Variants in PCDHGB1 observed in about 807,000 individuals in gnomAD.
PCDHGB1 encodes the protein protocadherin gamma subfamily B, 1, also known as protocadherin gamma-B1.
In PCDHGB1, 34 loss-of-function variants were observed where a neutral mutation model predicts 56.6. The observed-to-expected ratio is 0.60, with a 90% confidence interval of 0.46 to 0.80. The LOEUF is 0.80. Ranked by LOEUF, PCDHGB1 falls within the 30% of genes least tolerant of loss-of-function variation. PCDHGB1 has a pLI of 0.00. For missense variants in PCDHGB1, 1,278 were observed against 1,204.6 expected, an observed-to-expected ratio of 1.06 and a Z score of -0.90; for synonymous variants, 561 against 505.9, an observed-to-expected ratio of 1.11 and a Z score of -1.46.
chr5:141,413,337 G>A, intron 1 of PCDHGB1: 1 of 1,613,978 alleles, frequency 6.2e-7, no homozygotes, highest in Non-Finnish European at 8.5e-7. Flanking sequence ...ACATCTCCAA[G>A]GACTTGGGTC....
In PCDHGB1 at chr5:141,477,053, G is replaced by A; in HGVS notation, c.2410-17754G>A. On this transcript the variant is annotated intron_variant, in intron 1 of 3. Transcript: ENST00000523390. This position sits in a 1 kb window ranked among gnomAD's most constrained non-coding sequence, Gnocchi z 4.9. ...GACAATCAAGGGTCGGCTGGACTTC[G>A]AGGACACCAAACTCCATGAGATTTA... The A allele has an allele frequency of 1.9e-6, 3 of 1,614,230 alleles. No homozygotes were observed. The highest frequency in any genetic ancestry group is 2.5e-6 in the Non-Finnish European group (3 of 1,180,032).
At chr5:141,424,712 G>A (rs2096836283) in intron 1 of PCDHGB1, 1 of 152,126 alleles carries the variant, frequency 6.6e-6, no homozygotes, top group Non-Finnish European at 1.5e-5. Context: ...CATTTTCAGT[G>A]TAGTTGGGAG....
chr5:141,478,011 G>A (rs1216659966), intron 1 of PCDHGB1: 1 of 1,614,088 alleles, frequency 6.2e-7, no homozygotes, highest in East Asian at 2.2e-5. Flanking sequence ...AGTACTGCCC[G>A]TCCAGTCCAA....
chr5:141,419,325 ACT>A (rs1329600066), intron 1 of PCDHGB1: 33 of 1,613,586 alleles, frequency 2.0e-5, no homozygotes, highest in Non-Finnish European at 2.6e-5. Flanking sequence ...CGTGTCTCCT[ACT>A]CTCTCATTGC....
chr5:141,372,480 T>C (rs777083908), intron 1 of PCDHGB1: 5 of 1,613,930 alleles, frequency 3.1e-6, no homozygotes, highest in African/African-American at 2.7e-5. Flanking sequence ...AGTAGTGGCG[T>C]TGGCCTTGAT....
chr5:141,376,421 A>C (rs765897100), intron 1 of PCDHGB1: 1 of 1,614,248 alleles, frequency 6.2e-7, no homozygotes, highest in Non-Finnish European at 8.5e-7. Flanking sequence ...CGACACGCTT[A>C]TCAACCAGGA....
At position 141,398,955 on chromosome 5, in the gene PCDHGB1, A is replaced by T. The variant is rs2093730495; in HGVS notation, c.2409+46286A>T. 1.2e-6 allele frequency: 2 copies of T among 1,613,966 alleles called. No homozygotes were observed. Among genetic ancestry groups the T allele is most frequent in the African/African-American group, 1.3e-5 (1 of 75,040 alleles). On this transcript the variant is annotated intron_variant, in intron 1 of 3. Transcript: ENST00000523390. ...ACCAAGACGAGGGCATCAACTCAGA[A>T]ATTACTTATTCCTTCTACAGAACCG...
At chr5:141,506,735 G>A (rs1467217136) in intron 3 of PCDHGB1, among the ~76,000 whole-genome samples, 1 of 152,098 alleles carries the variant, frequency 6.6e-6, no homozygotes, top group Non-Finnish European at 1.5e-5. Context: ...TTAGAATAAT[G>A]CCTATTAATA....
chr5:141,355,170 G>T (rs200043254), intron 1 of PCDHGB1: 1 of 1,569,780 alleles, frequency 6.4e-7, no homozygotes, highest in Non-Finnish European at 8.6e-7. Flanking sequence ...AGGGAAAACC[G>T]AAGCACAGGC....
chr5:141,350,578 C>T lies in PCDHGB1; in HGVS notation c.318C>T (p.Val106=). The T allele has an allele frequency of 1.2e-6, 2 of 1,613,970 alleles. No homozygotes were observed. The highest frequency in any genetic ancestry group is 1.1e-5 in the South Asian group (1 of 91,044). ...AGTGTGCACTAGAATTCGAAACGGTCGCTGAAAACCCAATGAATGTTTTCC... is the reference window on the plus strand; with the variant it reads ...AGTGTGCACTAGAATTCGAAACGGTTGCTGAAAACCCAATGAATGTTTTCC... The part of the protein sequence containing the change: ...KLECALEFET[V]AENPMNVFHV... Residue 106 remains valine (V), a synonymous_variant, in exon 1 of 4, where the codon GTC becomes GTT. Transcript: ENST00000523390.
At chr5:141,409,325 G>A (rs2095255437) in intron 1 of PCDHGB1, 1 of 1,613,984 alleles carries the variant, frequency 6.2e-7, no homozygotes, top group Non-Finnish European at 8.5e-7. Context: ...ACGGGATCTG[G>A]ATTTCGGAGG....
chr5:141,472,564 A>G (rs1471933375), intron 1 of PCDHGB1, among the ~76,000 whole-genome samples: 6 of 152,050 alleles, frequency 3.9e-5, no homozygotes, highest in Admixed American at 2.6e-4. Context: ...TATATTATAA[A>G]TGCTGCATCT....
At chr5:141,420,742 A>G (rs967908996) in intron 1 of PCDHGB1, among the ~76,000 whole-genome samples, 3 of 152,372 alleles carry the variant, frequency 2.0e-5, no homozygotes, top group African/African-American at 7.2e-5. Context: ...AATCAATTGG[A>G]ACCAACTACA....
intron 1 of PCDHGB1, among the ~76,000 whole-genome samples, chr5:141,405,666 C>T (rs752033736): frequency 3.3e-5 from 5 of 152,198 alleles, no homozygotes; most frequent in Admixed American, 6.5e-5. Flanking sequence ...TTAGTAGAGA[C>T]GGGGTGTCAC....
chr5:141,492,546 G>A (rs2154587552), intron 1 of PCDHGB1, among the ~76,000 whole-genome samples: 1 of 152,336 alleles, frequency 6.6e-6, no homozygotes, highest in East Asian at 1.9e-4. Flanking sequence ...GCTGGGCCGG[G>A]TCGCCTGGGG....
intron 1 of PCDHGB1, among the ~76,000 whole-genome samples, chr5:141,446,610 G>A (rs1167777615): frequency 6.6e-6 from 1 of 152,098 alleles, no homozygotes; most frequent in Non-Finnish European, 1.5e-5. Flanking sequence ...CTGAGTAGCT[G>A]GGACTACAGG....
chr5:141,490,846 G>T lies in PCDHGB1; in HGVS notation c.2410-3961G>T. 1 of 1,613,880 alleles carries T rather than the reference G, an allele frequency of 6.2e-7. No individual in the cohort carries two copies. Among genetic ancestry groups the T allele is most frequent in the Non-Finnish European group, 8.5e-7 (1 of 1,179,906 alleles). ...GCAGATGCTGCAGATTGTGGTGGGG[G>T]TTCGAGACTCCGGCTCTCCCCCATT... On this transcript the variant is annotated intron_variant, in intron 1 of 3. Coordinates refer to ENST00000523390, the MANE Select transcript of PCDHGB1 (RefSeq NM_018922.3). This position sits in a 1 kb window ranked among gnomAD's most constrained non-coding sequence, Gnocchi z 5.4.
intron 1 of PCDHGB1, chr5:141,389,817 C>G: frequency 1.2e-6 from 2 of 1,613,870 alleles, no homozygotes; most frequent in Non-Finnish European, 1.7e-6. Context: ...GGTCGCCGTG[C>G]GTGACGGTGG....
intron 1 of PCDHGB1, chr5:141,374,738 G>C (rs1454843423): frequency 4.3e-6 from 7 of 1,611,282 alleles, no homozygotes; most frequent in East Asian, 2.2e-5. Flanking sequence ...GGATGGCGGC[G>C]ACCCTGTCCG....
Sources: allele counts gnomAD v4.1 joint callset (sites outside exome capture counted in the v4.1 genomes callset), GRCh38; gene constraint gnomAD v4.1.1; non-coding constraint Gnocchi (gnomAD v3.1); transcripts MANE v1.5; gene names NCBI Gene and HGNC (gene_info 2026-07-23, HGNC 2026-07-21).